The following PCDHGA7 variants were observed in gnomAD, a reference collection of about 807,000 sequenced individuals.
The protein encoded by PCDHGA7 is protocadherin gamma subfamily A, 7, also known as protocadherin gamma-A7.
PCDHGA7 carries 44 observed loss-of-function variants against 58.3 expected under a neutral mutation model. The ratio of observed to expected loss-of-function variants is 0.75; its 90% CI spans 0.59 to 0.97. The LOEUF (loss-of-function observed/expected upper bound fraction) is 0.97, where lower values mean the gene tolerates loss of function less well. PCDHGA7 is among the 50% of genes least tolerant of loss of function. The pLI is 0.00. For synonymous variants in PCDHGA7, 516 were observed against 504.2 expected (o/e 1.02, Z -0.31); for missense variants, 1,266 against 1,188.7 (o/e 1.06, Z -0.96).
chr5:141,392,881 T>C, intron 1 of PCDHGA7: 6 of 1,613,564 alleles, frequency 3.7e-6, no homozygotes, highest in Non-Finnish European at 5.1e-6. Context: ...CTGGGAACGC[T>C]GTGGGAAATC....
At chr5:141,507,807 A>AACGG (rs1465406594) in intron 3 of PCDHGA7, among the ~76,000 whole-genome samples, 2 of 152,152 alleles carry the variant, frequency 1.3e-5, no homozygotes, top group East Asian at 3.9e-4. Flanking sequence ...CGCCCTGGGG[A>AACGG]ACGGACCCTG....
At chr5:141,452,954 T>A (rs1315313825) in intron 1 of PCDHGA7, among the ~76,000 whole-genome samples, 5 of 152,220 alleles carry the variant, frequency 3.3e-5, no homozygotes, top group Non-Finnish European at 1.5e-5. Context: ...ATTGGTTGTC[T>A]TTAAACTGAG....
intron 1 of PCDHGA7, chr5:141,409,583 G>A (rs1221824873): frequency 1.2e-6 from 2 of 1,613,920 alleles, no homozygotes; most frequent in African/African-American, 1.3e-5. Flanking sequence ...CGTGGTCCAC[G>A]TGGCCGAGAA....
At chr5:141,509,153 C>G (rs2099875485) in intron 3 of PCDHGA7, among the ~76,000 whole-genome samples, 2 of 152,190 alleles carry the variant, frequency 1.3e-5, no homozygotes, top group Non-Finnish European at 2.9e-5. Context: ...CGGCTCTCCC[C>G]TCCCGTGTGC....
intron 1 of PCDHGA7, chr5:141,402,906 C>T: frequency 1.3e-6 from 2 of 1,529,180 alleles, no homozygotes; most frequent in Non-Finnish European, 1.8e-6. Context: ...CCTGATGAAG[C>T]AGCGCGCACA....
intron 1 of PCDHGA7, chr5:141,393,489 G>C: frequency 6.2e-7 from 1 of 1,614,062 alleles, no homozygotes; most frequent in Non-Finnish European, 8.5e-7. Flanking sequence ...CTCTAGCACA[G>C]TGCGCATCCA....
intron 1 of PCDHGA7, among the ~76,000 whole-genome samples, chr5:141,425,386 G>C (rs2096871887): frequency 6.6e-6 from 1 of 152,224 alleles, no homozygotes; most frequent in South Asian, 2.1e-4. Context: ...TTCGGAGGTA[G>C]TGATAAAGTT....
intron 1 of PCDHGA7, among the ~76,000 whole-genome samples, chr5:141,445,871 T>C (rs1318495005): frequency 6.6e-6 from 1 of 152,198 alleles, no homozygotes; most frequent in Non-Finnish European, 1.5e-5. Context: ...TTGTTCTAAA[T>C]ACCCTTGTAC....
intron 1 of PCDHGA7, among the ~76,000 whole-genome samples, chr5:141,488,350 C>G (rs1191478919): frequency 6.6e-6 from 1 of 152,176 alleles, no homozygotes; most frequent in Non-Finnish European, 1.5e-5. Context: ...GAAACAGCCA[C>G]CCTGTGCATC....
In PCDHGA7 at chr5:141,491,764, C is replaced by T; in HGVS notation, c.2425-3043C>T. The stretch of plus-strand genomic sequence containing the variant: ...CGGCACTGGAGAAGCCGCCCGTCCT[C>T]ATAAGGGATTGAACTTGCATCCACT... On this transcript the variant is annotated intron_variant, in intron 1 of 3. Transcript: ENST00000518325. The surrounding 1 kb of genome is among the most constrained non-coding windows in gnomAD (Gnocchi z 6.9). The T allele has an allele frequency of 6.4e-7, 1 of 1,570,206 alleles. No homozygotes were observed. Among genetic ancestry groups the T allele is most frequent in the Non-Finnish European group, 8.6e-7 (1 of 1,159,296 alleles).
At position 141,383,938 on chromosome 5, in the gene PCDHGA7, G is replaced by A; in HGVS notation, c.1039G>A (p.Val347Met). Residue 347 changes from valine to methionine, a missense_variant, in exon 1 of 4, where the codon GTG (valine) becomes ATG (methionine). Val to Met is a conservative substitution (Grantham distance 21). Coordinates refer to ENST00000518325, the MANE Select transcript of PCDHGA7 (RefSeq NM_018920.4). The stretch of plus-strand genomic sequence containing the variant: ...AGATGTAAATGATAATGCTCCAGAA[G>A]TGACTATGACGTCTTTAAGTAGCTC... ...VLDVNDNAPE[V>M]TMTSLSSSIP... is the part of the protein sequence containing the mutation. 1 of 1,613,866 alleles carries A rather than the reference G, an allele frequency of 6.2e-7. No individual in the cohort carries two copies. Among genetic ancestry groups the A allele is most frequent in the Non-Finnish European group, 8.5e-7 (1 of 1,179,826 alleles).
intron 1 of PCDHGA7, among the ~76,000 whole-genome samples, chr5:141,434,746 C>T (rs1591345130): frequency 6.6e-6 from 1 of 151,796 alleles, no homozygotes; most frequent in South Asian, 2.1e-4. Context: ...GGCTATGAGA[C>T]CCCTGATTCC....
chr5:141,461,506 AT>A (rs1406680307), intron 1 of PCDHGA7, among the ~76,000 whole-genome samples: 2 of 151,524 alleles, frequency 1.3e-5, no homozygotes, highest in Non-Finnish European at 1.5e-5. Context: ...TTTCTTGGTG[AT>A]TTGTTAGTTC....
intron 1 of PCDHGA7, chr5:141,394,481 T>G (rs766569646): frequency 6.2e-7 from 1 of 1,614,206 alleles, no homozygotes; most frequent in African/African-American, 1.3e-5. Flanking sequence ...TGGACCAGAA[T>G]GACAACGCGC....
rs996153387 is a variant in PCDHGA7, at chr5:141,491,985, G to A, written c.2425-2822G>A. 24 of 743,298 alleles carry A rather than the reference G, an allele frequency of 3.2e-5. No homozygotes were observed. Among genetic ancestry groups the A allele is most frequent in the Non-Finnish European group, 4.5e-5 (22 of 494,254 alleles). 46.0% of individuals were successfully genotyped at this position (743,298 alleles called of 1,614,324 possible). On this transcript the variant is annotated intron_variant, in intron 1 of 3. Transcript: ENST00000518325. The surrounding 1 kb of genome is among the most constrained non-coding windows in gnomAD (Gnocchi z 6.9). ...AGGCCGGGGCCTCCTTCGAGCTTCC[G>A]GTGAATTTCGGGCGATTTCCGCGGG...
intron 1 of PCDHGA7, chr5:141,398,645 C>T (rs932721053): frequency 6.2e-7 from 1 of 1,613,936 alleles, no homozygotes; most frequent in African/African-American, 1.3e-5. Flanking sequence ...TATAAACTCT[C>T]TCTTAACCCA....
At chr5:141,402,799 C>G in intron 1 of PCDHGA7, 1 of 1,061,846 alleles carries the variant, frequency 9.4e-7, no homozygotes, top group Non-Finnish European at 1.3e-6. Flanking sequence ...TACACAAAAC[C>G]CGGCAGATAC....
Position 141,511,065 on chromosome 5 carries a change from C to T in PCDHGA7, c.2691C>T (p.Ile897=). Residue 897 remains isoleucine, a synonymous_variant, in exon 4 of 4, where the codon ATC becomes ATT. Transcript: ENST00000518325. ...HVPDYRQNVY[I]PGSNATLTNA... ...CCGACTACCGCCAGAATGTCTACATCCCAGGCAGCAATGCCACACTGACCA... is the reference window on the plus strand; with the variant it reads ...CCGACTACCGCCAGAATGTCTACATTCCAGGCAGCAATGCCACACTGACCA... The T allele has an allele frequency of 6.2e-7, 1 of 1,614,222 alleles. No individual in the cohort carries two copies. Among genetic ancestry groups the T allele is most frequent in the Middle Eastern group, 1.6e-4 (1 of 6,062 alleles).
chr5:141,423,678 G>A (rs1161093615), intron 1 of PCDHGA7: 3 of 1,496,158 alleles, frequency 2.0e-6, no homozygotes, highest in Non-Finnish European at 2.7e-6. Flanking sequence ...TTATTTCTCT[G>A]CCTCCTAATT....
Sources: gnomAD v4.1 joint callset for allele counts (sites outside exome capture counted in the v4.1 genomes callset) on GRCh38, gnomAD v4.1.1 for gene constraint, Gnocchi (gnomAD v3.1) non-coding constraint, MANE v1.5 for transcripts, NCBI Gene and HGNC (gene_info 2026-07-23, HGNC 2026-07-21) for gene names.